The following COL4A5 variants were observed in gnomAD, a reference collection of about 807,000 sequenced individuals.
The protein encoded by COL4A5 is collagen type IV alpha 5 chain.
Under a neutral mutation model 130.2 loss-of-function variants are expected in COL4A5, and 26 were observed. That is an observed-to-expected ratio of 0.20 (90% confidence interval 0.15 to 0.28). The LOEUF (loss-of-function observed/expected upper bound fraction) is 0.28. Ranked by LOEUF, COL4A5 falls within the 10% of genes least tolerant of loss-of-function variation. The probability of loss-of-function intolerance (pLI) is 1.00; values close to 1 mark genes in which losing one functional copy is unlikely to be tolerated. For synonymous variants in COL4A5, 496 were observed against 439.6 expected (o/e 1.13, Z -1.60); for missense variants, 1,131 against 1,344.3 (o/e 0.84, Z 2.48).
intron 50 of COL4A5, chrX:108,694,043 GTA>G (rs1556462295): frequency 0.24 from 22,314 of 92,036 alleles, 1,928 homozygotes; most frequent in East Asian, 0.5. Context: ...GAATTTGGGT[GTA>G]TGTGTGTGTG....
intron 1 of COL4A5, among the ~76,000 whole-genome samples, chrX:108,481,366 C>G (rs1274930619): frequency 9.0e-6 from 1 of 111,383 alleles, no homozygotes; most frequent in African/African-American, 3.3e-5. Context: ...GGTGCTTCCT[C>G]AAGGGGACCC....
chrX:108,629,743 CGT>C (rs2067218514), intron 36 of COL4A5, among the ~76,000 whole-genome samples: 1 of 110,726 alleles, frequency 9.0e-6, no homozygotes, highest in Non-Finnish European at 1.9e-5. Flanking sequence ...ATACATGTGC[CGT>C]ATTGGTTTGT....
rs150980799 is a variant in COL4A5 at position 108,605,325 on chromosome X, T to C, written c.2245-1417T>C. ...ATTAATTGGCCTAATTTCAATATTG[T>C]TATGTCTCAAGGAATAGAAAGACCT... is the stretch of plus-strand genomic sequence containing the variant. On this transcript the variant is annotated intron_variant, in intron 28 of 52. Transcript: ENST00000328300. Among the ~76,000 whole-genome samples, 310 of 111,717 alleles carry C rather than the reference T, an allele frequency of 2.8e-3. 2 individuals are homozygous for C. The highest frequency in any genetic ancestry group is 9.6e-3 in the African/African-American group (296 of 30,761).
intron 10 of COL4A5, among the ~76,000 whole-genome samples, chrX:108,577,256 C>T (rs1352082830): frequency 8.4e-5 from 9 of 107,111 alleles, no homozygotes; most frequent in African/African-American, 3.1e-4. Flanking sequence ...CCTGTAATCC[C>T]AGCTACTCGG....
chrX:108,668,140 T>C (rs1236526924), intron 40 of COL4A5, among the ~76,000 whole-genome samples, 179 bp from the exon 41 acceptor site: 1 of 111,970 alleles, frequency 8.9e-6, no homozygotes, highest in Non-Finnish European at 1.9e-5. Flanking sequence ...ATACTTCTGC[T>C]AACAAATGCA....
chrX:108,598,615 T>C (rs976979332), intron 24 of COL4A5, 87 bp from the exon 25 acceptor site: 9 of 854,342 alleles, frequency 1.1e-5, no homozygotes, highest in Non-Finnish European at 1.4e-5. Flanking sequence ...TATTTATGGC[T>C]ATATCCTTTC....
chrX:108,647,013 G>A lies in COL4A5; in HGVS notation c.3247-8318G>A, dbSNP rs374734096. Reference sequence around the variant, plus strand: ...GTAGTATAGTTTGAAGTCAGGTAGCGTGATGCCTCCATCTTTGTTCTTTTG... The same window carrying A: ...GTAGTATAGTTTGAAGTCAGGTAGCATGATGCCTCCATCTTTGTTCTTTTG... On this transcript the variant is annotated intron_variant, in intron 36 of 52. Coordinates refer to ENST00000328300, the MANE Select transcript of COL4A5 (RefSeq NM_033380.3). Among the ~76,000 whole-genome samples the A allele has an allele frequency of 4.4e-3, 494 of 111,018 alleles. 2 individuals carry two copies. Among genetic ancestry groups the A allele is most frequent in the East Asian group, 0.032 (113 of 3,505 alleles).
At chrX:108,573,708 C>A in intron 9 of COL4A5, 54 bp downstream of exon 9, 1 of 822,915 alleles carries the variant, frequency 1.2e-6, no homozygotes. Context: ...CAGAAGATTA[C>A]AACAATCCCT....
At chrX:108,622,605 A>G in intron 32 of COL4A5, 71 bp from the exon 33 acceptor site, 1 of 1,119,522 alleles carries the variant, frequency 8.9e-7, no homozygotes, top group Non-Finnish European at 1.2e-6. Flanking sequence ...AAACATATCA[A>G]TAATCTTTAT....
chrX:108,639,049 T>TAGTCTAATTCACAAGGA (rs1177138819), intron 36 of COL4A5, among the ~76,000 whole-genome samples: 2 of 111,116 alleles, frequency 1.8e-5, no homozygotes, highest in Non-Finnish European at 3.8e-5. Context: ...ACGAAAAACT[T>TAGTCTAATTCACAAGGA]AGTCTAATTC....
At chrX:108,673,297 T>C (rs1483963068) in intron 42 of COL4A5, among the ~76,000 whole-genome samples, 1 of 111,925 alleles carries the variant, frequency 8.9e-6, no homozygotes, top group Non-Finnish European at 1.9e-5. Context: ...CATATAGTTA[T>C]TAAGTAGCAG....
intron 21 of COL4A5, among the ~76,000 whole-genome samples, chrX:108,593,505 G>C (rs1053218556): frequency 1.3e-4 from 14 of 110,740 alleles, no homozygotes; most frequent in African/African-American, 4.3e-4. Flanking sequence ...TATCTCAGAG[G>C]CCTGATGATA....
At chrX:108,509,197 A>G (rs367577217) in intron 1 of COL4A5, among the ~76,000 whole-genome samples, 16 of 112,330 alleles carry the variant, frequency 1.4e-4, no homozygotes, top group Non-Finnish European at 1.7e-4. Flanking sequence ...TCCAGCATCT[A>G]TGTTCTCAGT....
intron 1 of COL4A5, among the ~76,000 whole-genome samples, chrX:108,445,047 G>A (rs73539484): frequency 0.096 from 10,629 of 110,601 alleles, 1,147 homozygotes; most frequent in African/African-American, 0.32. Context: ...GATGAAATGA[G>A]AAAAGTTATG....
At chrX:108,460,860 G>T (rs2064642006) in intron 1 of COL4A5, among the ~76,000 whole-genome samples, 1 of 108,631 alleles carries the variant, frequency 9.2e-6, no homozygotes, top group Non-Finnish European at 1.9e-5. Flanking sequence ...GTATACTCAA[G>T]TTATAGGAAT....
intron 28 of COL4A5, among the ~76,000 whole-genome samples, chrX:108,605,439 T>C (rs2066714092): frequency 8.9e-6 from 1 of 111,896 alleles, no homozygotes; most frequent in African/African-American, 3.3e-5. Context: ...CACCATCTTA[T>C]ACAGGCACAG....
chrX:108,479,154 A>G (rs766672356), intron 1 of COL4A5, among the ~76,000 whole-genome samples: 27 of 112,276 alleles, frequency 2.4e-4, no homozygotes, highest in Non-Finnish European at 4.3e-4. Context: ...GATTATTAAA[A>G]TCCTCCTCTG....
chrX:108,616,189 G>C (rs1423802665), intron 30 of COL4A5, among the ~76,000 whole-genome samples: 1 of 110,325 alleles, frequency 9.1e-6, no homozygotes, highest in Non-Finnish European at 1.9e-5. Flanking sequence ...TCAGGAAAAA[G>C]CACTTATTTT....
chrX:108,575,484 T>C (rs758757799), intron 9 of COL4A5, among the ~76,000 whole-genome samples: 31 of 112,736 alleles, frequency 2.7e-4, no homozygotes, highest in Non-Finnish European at 5.8e-4. Flanking sequence ...TGCTGAATGA[T>C]AAAATTGTAG....
Sources: gnomAD v4.1 joint callset for allele counts (sites outside exome capture counted in the v4.1 genomes callset) on GRCh38, gnomAD v4.1.1 for gene constraint, MANE v1.5 for transcripts, NCBI Gene and HGNC (gene_info 2026-07-23, HGNC 2026-07-21) for gene names.